Variants in ZNF438 observed in about 807,000 individuals in gnomAD.
ZNF438 encodes zinc finger protein 438.
ZNF438 carries 25 observed loss-of-function variants against 38.0 expected under a neutral mutation model. The ratio of observed to expected loss-of-function variants is 0.66; its 90% CI spans 0.48 to 0.92. The LOEUF (loss-of-function observed/expected upper bound fraction) is 0.92, where lower values mean the gene tolerates loss of function less well. Ranked by LOEUF, ZNF438 falls within the 40% of genes least tolerant of loss-of-function variation. The pLI is 0.00. For missense variants in ZNF438, 1,007 were observed against 999.6 expected (o/e 1.01, Z -0.10); for synonymous variants, 372 against 364.1 (o/e 1.02, Z -0.25).
At chr10:30,987,399 T>G (rs1022493615) in intron 1 of ZNF438, among the ~76,000 whole-genome samples, 1 of 151,820 alleles carries the variant, frequency 6.6e-6, no homozygotes, top group African/African-American at 2.4e-5. Flanking sequence ...TGATAGTCCA[T>G]GTTTTCTTTT....
intron 1 of ZNF438, among the ~76,000 whole-genome samples, chr10:30,952,494 C>T (rs1292720431): frequency 6.6e-5 from 10 of 151,284 alleles, no homozygotes; most frequent in Admixed American, 5.9e-4. Context: ...ATTTTCGCAA[C>T]CTACTCATCT....
chr10:31,023,299 A>C (rs2056731955), intron 1 of ZNF438, among the ~76,000 whole-genome samples: 2 of 152,214 alleles, frequency 1.3e-5, no homozygotes, highest in Admixed American at 1.3e-4. Flanking sequence ...TAATTGTGGC[A>C]GGCACATAAT....
chr10:30,919,701 A>C (rs1159308970), intron 2 of ZNF438: 1 of 152,472 alleles, frequency 6.6e-6, no homozygotes, highest in Non-Finnish European at 1.5e-5. Context: ...GGGTCACCAC[A>C]ACCTCTGCCT....
chr10:30,908,484 C>T (rs2042789359), intron 3 of ZNF438, among the ~76,000 whole-genome samples: 1 of 152,148 alleles, frequency 6.6e-6, no homozygotes, highest in African/African-American at 2.4e-5. Flanking sequence ...TAATATCATC[C>T]TAATGGTAGG....
chr10:30,991,439 C>T (rs1201633867), intron 1 of ZNF438, among the ~76,000 whole-genome samples: 1 of 152,190 alleles, frequency 6.6e-6, no homozygotes, highest in Admixed American at 6.5e-5. Flanking sequence ...GCTGGTGGGG[C>T]AAAGGTTCCA....
chr10:30,864,869 C>T (rs1412126853), intron 4 of ZNF438, among the ~76,000 whole-genome samples: 2 of 152,180 alleles, frequency 1.3e-5, no homozygotes, highest in African/African-American at 2.4e-5. Context: ...TAAAATGCCC[C>T]TCAGTCAGAA....
chr10:30,933,207 A>C (rs536217354), intron 2 of ZNF438, among the ~76,000 whole-genome samples: 6 of 152,278 alleles, frequency 3.9e-5, no homozygotes, highest in African/African-American at 1.2e-4. Flanking sequence ...ACCTTCCTCT[A>C]AATTCTGTTC....
intron 1 of ZNF438, among the ~76,000 whole-genome samples, chr10:30,943,589 T>C (rs1189405253): frequency 6.6e-6 from 1 of 152,046 alleles, no homozygotes; most frequent in Non-Finnish European, 1.5e-5. Context: ...AAATATGAAT[T>C]TGGAGAAACA....
At chr10:30,860,771 C>T (rs2035444458) in intron 4 of ZNF438, among the ~76,000 whole-genome samples, 1 of 152,192 alleles carries the variant, frequency 6.6e-6, no homozygotes, top group Non-Finnish European at 1.5e-5. Flanking sequence ...TTTATGGAGA[C>T]ACTCCTTCCC....
At chr10:31,019,245 G>T (rs1029775229) in intron 1 of ZNF438, among the ~76,000 whole-genome samples, 2 of 152,118 alleles carry the variant, frequency 1.3e-5, no homozygotes, top group Non-Finnish European at 2.9e-5. Context: ...TCCTCACAAT[G>T]ACCGACAAGT....
intron 3 of ZNF438, among the ~76,000 whole-genome samples, chr10:30,880,564 T>C (rs2133780968): frequency 6.6e-6 from 1 of 152,134 alleles, no homozygotes; most frequent in East Asian, 1.9e-4. Context: ...TGGTGACTTC[T>C]ACTGAATATT....
intron 3 of ZNF438, among the ~76,000 whole-genome samples, chr10:30,878,421 A>AC (rs1201924566): frequency 1.2e-4 from 18 of 152,146 alleles, no homozygotes; most frequent in Non-Finnish European, 1.3e-4. Context: ...AGATTACCTG[A>AC]CCATCCCATC....
intron 4 of ZNF438, among the ~76,000 whole-genome samples, chr10:30,876,603 A>G (rs77841121): frequency 3.9e-5 from 6 of 152,248 alleles, no homozygotes; most frequent in African/African-American, 9.6e-5. Flanking sequence ...GTATGTCTAC[A>G]GATGTGTGTG....
At chr10:30,983,448 C>G (rs1437078239) in intron 1 of ZNF438, among the ~76,000 whole-genome samples, 1 of 152,110 alleles carries the variant, frequency 6.6e-6, no homozygotes, top group Non-Finnish European at 1.5e-5. Flanking sequence ...AGGTGTTACA[C>G]ACTTTTAAAC....
chr10:30,886,443 T>TGATG (rs905183586), intron 3 of ZNF438, among the ~76,000 whole-genome samples: 34 of 152,206 alleles, frequency 2.2e-4, no homozygotes, highest in Non-Finnish European at 4.1e-4. Context: ...CTTCAACTTA[T>TGATG]GATGGGGCTA....
intron 1 of ZNF438, among the ~76,000 whole-genome samples, chr10:30,998,702 G>A (rs2054328664): frequency 6.6e-6 from 1 of 151,002 alleles, no homozygotes; most frequent in African/African-American, 2.4e-5. Flanking sequence ...TTTACCTTCT[G>A]CATTCTATTT....
chr10:31,020,646 T>C (rs2056526575), intron 1 of ZNF438, among the ~76,000 whole-genome samples: 1 of 152,070 alleles, frequency 6.6e-6, no homozygotes, highest in Admixed American at 6.6e-5. Flanking sequence ...TAAAAAGGAT[T>C]TTTTTTATTT....
At chr10:31,028,131 T>C (rs1482187560) in intron 1 of ZNF438, among the ~76,000 whole-genome samples, 1 of 151,894 alleles carries the variant, frequency 6.6e-6, no homozygotes, top group South Asian at 2.1e-4. Context: ...CCAGATCCCC[T>C]TTCTATGACA....
At chr10:30,875,176 G>C (rs895634592) in intron 4 of ZNF438, among the ~76,000 whole-genome samples, 4 of 152,144 alleles carry the variant, frequency 2.6e-5, no homozygotes, top group African/African-American at 7.2e-5. Flanking sequence ...CCGGTCAATG[G>C]AAGTATCCAA....
Sources: allele counts gnomAD v4.1 joint callset (sites outside exome capture counted in the v4.1 genomes callset), GRCh38; gene constraint gnomAD v4.1.1; transcripts MANE v1.5; gene names NCBI Gene and HGNC (gene_info 2026-07-23, HGNC 2026-07-21).